The following KDM7A variants were observed in gnomAD, a reference collection of about 807,000 sequenced individuals.
KDM7A encodes lysine demethylase 7A.
A neutral mutation model predicts 114.8 loss-of-function variants in KDM7A; 28 were observed. That is an observed-to-expected ratio of 0.24 (90% CI 0.18 to 0.33). KDM7A has a LOEUF of 0.33. KDM7A is among the 10% of genes least tolerant of loss of function. The pLI is 1.00. For synonymous variants in KDM7A, 423 were observed against 397.8 expected (o/e 1.06, Z -0.75); for missense variants, 942 against 1,142.5 (o/e 0.82, Z 2.53).
At chr7:140,175,481 A>C (rs926340760) in intron 1 of KDM7A, among the ~76,000 whole-genome samples, 3 of 152,174 alleles carry the variant, frequency 2.0e-5, no homozygotes, top group Non-Finnish European at 2.9e-5. Flanking sequence ...CCAAGAGACA[A>C]CACCAAACGG....
intron 1 of KDM7A, among the ~76,000 whole-genome samples, chr7:140,152,922 C>T (rs919981253): frequency 2.0e-5 from 3 of 151,890 alleles, no homozygotes; most frequent in African/African-American, 7.3e-5. Context: ...TGCAATGGCA[C>T]CATCTCAGCT....
chr7:140,154,573 A>T (rs1794437662), intron 1 of KDM7A, among the ~76,000 whole-genome samples: 1 of 151,952 alleles, frequency 6.6e-6, no homozygotes, highest in South Asian at 2.1e-4. Context: ...AAGATTCCAC[A>T]GTTCGTAAGA....
At chr7:140,094,161 T>C in intron 17 of KDM7A, 23 bp from the exon 18 acceptor site, 4 of 1,384,106 alleles carry the variant, frequency 2.9e-6, no homozygotes, top group Non-Finnish European at 4.1e-6. Flanking sequence ...TTTAGTTTAA[T>C]TAACTTTGCA....
At chr7:140,144,056 A>G (rs1354689528) in intron 1 of KDM7A, among the ~76,000 whole-genome samples, 1 of 152,228 alleles carries the variant, frequency 6.6e-6, no homozygotes, top group Non-Finnish European at 1.5e-5. Flanking sequence ...AGGTTCCTGT[A>G]ACCCAAAGAA....
chr7:140,099,850 G>A, intron 13 of KDM7A, 49 bp downstream of exon 13: 5 of 1,555,426 alleles, frequency 3.2e-6, no homozygotes, highest in Non-Finnish European at 4.4e-6. Flanking sequence ...TGAACAAAGG[G>A]AACCCAATGA....
At chr7:140,111,685 G>C (rs556829284) in intron 10 of KDM7A, among the ~76,000 whole-genome samples, 1 of 152,278 alleles carries the variant, frequency 6.6e-6, no homozygotes, top group South Asian at 2.1e-4. Context: ...AAGGCCGGGC[G>C]CAGTGACTCA....
At position 140,119,199 on chromosome 7, in the gene KDM7A, C is replaced by T. The variant is rs1818579883; in HGVS notation, c.1160G>A (p.Arg387Lys). Residue 387 changes from arginine (R) to lysine (K), a missense_variant, in exon 9 of 20, where the codon AGG becomes AAG. Coordinates refer to ENST00000397560, the MANE Select transcript of KDM7A (RefSeq NM_030647.2). ...TTTGAAAAGATCTGGTGTTTTTAGC[C>T]TTTTCTCCATCTCATAACACCTAAA... is the stretch of plus-strand genomic sequence containing the variant. ...MQLRCYEMEK[R>K]LKTPDLFKFP... 2 of 1,603,714 alleles carry T rather than the reference C, an allele frequency of 1.2e-6. No homozygotes were observed. Among genetic ancestry groups the T allele is most frequent in the East Asian group, 2.2e-5 (1 of 44,730 alleles).
chr7:140,168,425 G>A (rs997543717), intron 1 of KDM7A, among the ~76,000 whole-genome samples: 4 of 151,964 alleles, frequency 2.6e-5, no homozygotes, highest in South Asian at 2.1e-4. Context: ...AAAATTAGCC[G>A]GGCACAGTGG....
At position 140,092,409 on chromosome 7, in the gene KDM7A, C is replaced by T. The variant is rs374487811; in HGVS notation, c.2458-332G>A. On this transcript the variant is annotated intron_variant, in intron 18 of 19. Coordinates refer to ENST00000397560, the MANE Select transcript of KDM7A (RefSeq NM_030647.2). The stretch of plus-strand genomic sequence containing the variant: ...GAGCTGGGGGAATGGATCGATCTCC[C>T]ACTTCCCTGGCAAGTCACAGCTCCC... Among the ~76,000 whole-genome samples, 3 of 152,296 alleles carry T rather than the reference C, an allele frequency of 2.0e-5. 1 individual carries two copies. The highest frequency in any genetic ancestry group is 7.2e-5 in the African/African-American group (3 of 41,578).
intron 1 of KDM7A, among the ~76,000 whole-genome samples, chr7:140,147,597 G>T (rs1225454715): frequency 6.6e-6 from 1 of 152,116 alleles, no homozygotes; most frequent in Non-Finnish European, 1.5e-5. Flanking sequence ...ATAATCAGAG[G>T]ACTGAGTCAT....
At chr7:140,152,807 A>T (rs1471196656) in intron 1 of KDM7A, among the ~76,000 whole-genome samples, 1 of 152,144 alleles carries the variant, frequency 6.6e-6, no homozygotes, top group Non-Finnish European at 1.5e-5. Context: ...ACCTATTCAC[A>T]TGTTGGATCC....
chr7:140,111,575 AT>A (rs1818432419), intron 10 of KDM7A, among the ~76,000 whole-genome samples: 1 of 152,226 alleles, frequency 6.6e-6, no homozygotes, highest in South Asian at 2.1e-4. Flanking sequence ...CGTAATCCTA[AT>A]TTCTCTTGGG....
chr7:140,088,310 A>T lies in KDM7A; in HGVS notation c.*2784T>A, dbSNP rs1183924006. ...ATAATATTATGTGACATTGTAAATT[A>T]TAATCCAATGGATCCCAGCTGAACA... On this transcript the variant is annotated 3_prime_UTR_variant, in exon 20 of 20. Transcript: ENST00000397560. 1 of 388,720 alleles carries T rather than the reference A, an allele frequency of 2.6e-6. No individual in the cohort carries two copies. Among genetic ancestry groups the T allele is most frequent in the Non-Finnish European group, 4.5e-6 (1 of 220,094 alleles). 24.1% of individuals were successfully genotyped at this position (388,720 alleles called of 1,614,324 possible).
chr7:140,099,840 T>C (rs1818173931), intron 13 of KDM7A, 59 bp downstream of exon 13: 1 of 1,534,962 alleles, frequency 6.5e-7, no homozygotes, highest in South Asian at 1.1e-5. Context: ...CTGGGTTAAA[T>C]GAACAAAGGG....
chr7:140,100,735 T>TATATAC (rs1818208104), intron 12 of KDM7A, among the ~76,000 whole-genome samples: 2 of 51,640 alleles, frequency 3.9e-5, no homozygotes, highest in Non-Finnish European at 7.8e-5. Flanking sequence ...TATATATATA[T>TATATAC]ATATATACAT....
Position 140,113,478 on chromosome 7 carries a change from T to C in KDM7A, c.1338+13A>G, listed in dbSNP as rs371185604. 6 of 1,477,388 alleles carry C rather than the reference T, an allele frequency of 4.1e-6. No homozygotes were observed. The African/African-American group carries it at 8.4e-5, about 21-fold the overall frequency. 91.5% of individuals were successfully genotyped at this position (1,477,388 alleles called of 1,614,324 possible). On this transcript the variant is annotated intron_variant, in intron 10 of 19. Transcript: ENST00000397560. ...GCATAAAACACAGTGATTTCACTGTTGAAACAACTTACTTCTTTTTTCATC... is the reference window on the plus strand; with the variant it reads ...GCATAAAACACAGTGATTTCACTGTCGAAACAACTTACTTCTTTTTTCATC...
At position 140,100,711 on chromosome 7, in the gene KDM7A, CATATATATATATAT is replaced by C. The variant is rs58767645; in HGVS notation, c.1639-702_1639-689del. 3.5e-5 allele frequency among the ~76,000 whole-genome samples: 2 copies of C among 56,980 alleles called. 1 individual carries two copies. The highest frequency in any genetic ancestry group is 1.1e-4 in the African/African-American group (2 of 18,140). 37.4% of individuals were successfully genotyped at this position (56,980 alleles called of 152,430 possible). The stretch of plus-strand genomic sequence containing the variant: ...ATACATATATATATATATATATACA[CATATATATATATAT>C]ATATATATATATATATACATATATA... On this transcript the variant is annotated intron_variant, in intron 12 of 19. Coordinates refer to ENST00000397560, the MANE Select transcript of KDM7A (RefSeq NM_030647.2).
At chr7:140,146,456 G>A (rs1368672199) in intron 1 of KDM7A, among the ~76,000 whole-genome samples, 1 of 152,154 alleles carries the variant, frequency 6.6e-6, no homozygotes, top group Non-Finnish European at 1.5e-5. Context: ...ATGTTAAGAG[G>A]AAATGCAGTA....
intron 2 of KDM7A, among the ~76,000 whole-genome samples, chr7:140,137,817 T>C (rs931708482): frequency 2.0e-5 from 3 of 152,166 alleles, no homozygotes; most frequent in African/African-American, 2.4e-5. Flanking sequence ...GTAAGTCTCT[T>C]TTGAAAAAAT....
Sources: allele counts gnomAD v4.1 joint callset (sites outside exome capture counted in the v4.1 genomes callset), GRCh38; gene constraint gnomAD v4.1.1; transcripts MANE v1.5; gene names NCBI Gene and HGNC (gene_info 2026-07-23, HGNC 2026-07-21).